The following SYNPR variants were observed in gnomAD, a reference collection of about 807,000 sequenced individuals.
SYNPR encodes the protein synaptoporin.
A neutral mutation model predicts 32.9 loss-of-function variants in SYNPR; 23 were observed. That is an observed-to-expected ratio of 0.70 (90% CI 0.50 to 0.99). The LOEUF (loss-of-function observed/expected upper bound fraction) is 0.99, where lower values mean the gene tolerates loss of function less well. SYNPR is among the 50% of genes least tolerant of loss of function. The pLI, the probability that SYNPR is intolerant of heterozygous loss-of-function variation, is 0.00. For missense variants in SYNPR, 318 were observed against 349.3 expected (o/e 0.91, Z 0.71); for synonymous variants, 146 against 135.9 (o/e 1.07, Z -0.52).
intron 2 of SYNPR, among the ~76,000 whole-genome samples, chr3:63,263,542 A>G (rs1169465441): frequency 6.6e-6 from 1 of 152,224 alleles, no homozygotes; most frequent in Non-Finnish European, 1.5e-5. Flanking sequence ...GCAGCAATCA[A>G]CAGAGGAGGC....
chr3:63,524,824 A>AGTGTGTGT lies in SYNPR; in HGVS notation c.210-31699_210-31692dup, dbSNP rs138062730. ...GGAGTTCAAAATGCATCATAATAGA[A>AGTGTGTGT]GTGTGTGTGTGTGTGTGTGTGTGTG... On this transcript the variant is annotated intron_variant, in intron 3 of 5. Transcript: ENST00000478300. Among the ~76,000 whole-genome samples the AGTGTGTGT allele has an allele frequency of 5.1e-4, 66 of 129,452 alleles. 1 individual carries two copies. Among genetic ancestry groups the AGTGTGTGT allele is most frequent in the African/African-American group, 2.0e-3 (64 of 31,622 alleles). 84.9% of individuals were successfully genotyped at this position (129,452 alleles called of 152,430 possible). A position where few individuals can be genotyped will look rare whatever the true frequency, so the allele number is the denominator to read the frequency against.
chr3:63,262,873 G>C (rs2086451481), intron 2 of SYNPR, among the ~76,000 whole-genome samples: 1 of 152,186 alleles, frequency 6.6e-6, no homozygotes, highest in African/African-American at 2.4e-5. Flanking sequence ...CAGAAGATCT[G>C]ACCCAAGGCA....
At chr3:63,251,786 G>C (rs539997140) in intron 1 of SYNPR, among the ~76,000 whole-genome samples, 4 of 151,946 alleles carry the variant, frequency 2.6e-5, no homozygotes, top group African/African-American at 9.6e-5. Flanking sequence ...CAACCAAGGA[G>C]AAGATGCCAT....
intron 4 of SYNPR, chr3:63,561,354 C>G (rs1472859985): frequency 6.6e-6 from 1 of 152,096 alleles, no homozygotes; most frequent in African/African-American, 2.4e-5. Context: ...AGAAGGGAAG[C>G]TTAGAGCAGT....
intron 4 of SYNPR, among the ~76,000 whole-genome samples, chr3:63,584,474 T>C (rs1181099026): frequency 6.6e-6 from 1 of 152,022 alleles, no homozygotes; most frequent in Admixed American, 6.6e-5. Context: ...TGGCTGGGTA[T>C]ACAGGAACTG....
rs553855079 is a variant in SYNPR at position 63,351,838 on chromosome 3, T to C, written c.84+73096T>C. Among the ~76,000 whole-genome samples, 6 of 152,118 alleles carry C rather than the reference T, an allele frequency of 3.9e-5. No homozygotes were observed. In the South Asian group the frequency reaches 1.3e-3, roughly 32 times the overall value. ...GTCCTGGAACTTAAGAAGTTCTAAG[T>C]GGGGGAGAGATAAAAGAAGTAGTGA... On this transcript the variant is annotated intron_variant, in intron 2 of 5. Coordinates refer to ENST00000478300, the MANE Select transcript of SYNPR (RefSeq NM_001130003.2).
chr3:63,511,754 C>T (rs566875638), intron 3 of SYNPR, among the ~76,000 whole-genome samples: 11 of 152,186 alleles, frequency 7.2e-5, no homozygotes, highest in South Asian at 2.1e-4. Flanking sequence ...CAAGTGGACT[C>T]GTGCACTACT....
At chr3:63,513,973 G>T (rs2106759014) in intron 3 of SYNPR, among the ~76,000 whole-genome samples, 1 of 152,212 alleles carries the variant, frequency 6.6e-6, no homozygotes. Context: ...GGCATTGACT[G>T]CAGTGACACA....
chr3:63,580,004 T>C (rs1703061490), intron 4 of SYNPR, among the ~76,000 whole-genome samples: 1 of 152,134 alleles, frequency 6.6e-6, no homozygotes, highest in African/African-American at 2.4e-5. Flanking sequence ...TGCTTATAAA[T>C]AGCCATTATA....
At chr3:63,604,776 T>G (rs1377548459) in intron 4 of SYNPR, among the ~76,000 whole-genome samples, 2 of 152,208 alleles carry the variant, frequency 1.3e-5, no homozygotes, top group African/African-American at 4.8e-5. Context: ...TATTATTTGA[T>G]CTAATTAAAA....
At chr3:63,454,143 G>A (rs556102296) in intron 2 of SYNPR, among the ~76,000 whole-genome samples, 140 of 152,204 alleles carry the variant, frequency 9.2e-4, no homozygotes, top group African/African-American at 2.9e-3. Flanking sequence ...ATGGAGGGGT[G>A]AAATGAGGGA....
intron 2 of SYNPR, among the ~76,000 whole-genome samples, chr3:63,451,022 C>A (rs577061677): frequency 6.6e-6 from 1 of 151,896 alleles, no homozygotes; most frequent in African/African-American, 2.4e-5. Context: ...CCCGGCTCTG[C>A]GATATAGGGG....
At chr3:63,208,395 T>C in the SYNPR span, among the ~76,000 whole-genome samples, 4 of 152,330 alleles carry the variant, frequency 2.6e-5, no homozygotes, top group African/African-American at 9.6e-5. Flanking sequence ...CTGTCAAATC[T>C]GGCACAGAAT....
intron 2 of SYNPR, among the ~76,000 whole-genome samples, chr3:63,325,755 T>A (rs1008014478): frequency 6.6e-6 from 1 of 151,790 alleles, no homozygotes; most frequent in Non-Finnish European, 1.5e-5. Context: ...GTGGAAACTG[T>A]CCATCCACAC....
chr3:63,518,868 C>T (rs73116764), intron 3 of SYNPR, among the ~76,000 whole-genome samples: 6,896 of 152,272 alleles, frequency 0.045, 219 homozygotes, highest in Non-Finnish European at 0.063. Context: ...CATTAAGACA[C>T]ATGCACGCAT....
chr3:63,579,824 C>T lies in SYNPR; in HGVS notation c.408+23083C>T, dbSNP rs994554472. Among the ~76,000 whole-genome samples the T allele has an allele frequency of 3.8e-4, 57 of 148,074 alleles. 2 individuals are homozygous for T. The highest frequency in any genetic ancestry group is 1.2e-3 in the African/African-American group (50 of 40,350). ...ACACACACACACACACACACACACA[C>T]GCACACACACACAAATATGCTGTTA... On this transcript the variant is annotated intron_variant, in intron 4 of 5. Transcript: ENST00000478300.
intron 2 of SYNPR, among the ~76,000 whole-genome samples, chr3:63,459,798 C>T (rs990310247): frequency 6.6e-6 from 1 of 152,080 alleles, no homozygotes; most frequent in Non-Finnish European, 1.5e-5. Flanking sequence ...TACACAGACT[C>T]TGTAGTCTCT....
intron 1 of SYNPR, among the ~76,000 whole-genome samples, chr3:63,235,327 G>A (rs1560164274): frequency 6.6e-6 from 1 of 152,100 alleles, no homozygotes; most frequent in Non-Finnish European, 1.5e-5. Context: ...AAGTTCATAC[G>A]GAACAATTAG....
At chr3:63,331,762 G>C (rs1158183398) in intron 2 of SYNPR, among the ~76,000 whole-genome samples, 1 of 152,202 alleles carries the variant, frequency 6.6e-6, no homozygotes, top group Non-Finnish European at 1.5e-5. Context: ...TTGAAACTGA[G>C]AGAGGTTCAG....
Sources: gnomAD v4.1 joint callset for allele counts (sites outside exome capture counted in the v4.1 genomes callset) on GRCh38, gnomAD v4.1.1 for gene constraint, MANE v1.5 for transcripts, NCBI Gene and HGNC (gene_info 2026-07-23, HGNC 2026-07-21) for gene names.